TMPRSS15: variants seen among roughly 807,000 people sequenced by gnomAD.
The protein encoded by TMPRSS15 is enteropeptidase.
A neutral mutation model predicts 125.3 loss-of-function variants in TMPRSS15; 128 were observed. The observed-to-expected ratio is 1.02, with a 90% CI of 0.89 to 1.18. The LOEUF is 1.18. Ranked by LOEUF, TMPRSS15 falls within the 50% of genes most tolerant of loss-of-function variation. The probability of loss-of-function intolerance (pLI) is 0.00; values close to 1 mark genes in which losing one functional copy is unlikely to be tolerated. For missense variants in TMPRSS15, 1,283 were observed against 1,212.7 expected (o/e 1.06, Z -0.86); for synonymous variants, 446 against 423.2 (o/e 1.05, Z -0.66).
intron 8 of TMPRSS15, among the ~76,000 whole-genome samples, chr21:18,356,277 G>C (rs113010558): frequency 6.6e-6 from 1 of 151,758 alleles, no homozygotes; most frequent in East Asian, 1.9e-4. Flanking sequence ...TACAGAATAG[G>C]ATTCAACAGA....
intron 1 of TMPRSS15, among the ~76,000 whole-genome samples, chr21:18,484,962 T>A (rs1277547560): frequency 6.6e-6 from 1 of 151,874 alleles, no homozygotes; most frequent in Non-Finnish European, 1.5e-5. Context: ...ATAAGAGATT[T>A]AAAAAAATCA....
At chr21:18,449,879 A>ACACACACACG (rs2076263870) in intron 1 of TMPRSS15, among the ~76,000 whole-genome samples, 1 of 5,210 alleles carries the variant, frequency 1.9e-4, no homozygotes, top group Non-Finnish European at 1.4e-3. Flanking sequence ...ACACACACGC[A>ACACACACACG]CACACACACA....
intron 1 of TMPRSS15, among the ~76,000 whole-genome samples, chr21:18,435,795 G>A (rs1234886545): frequency 6.6e-6 from 1 of 152,178 alleles, no homozygotes; most frequent in African/African-American, 2.4e-5. Flanking sequence ...ATTGATTATT[G>A]TCACAATTTC....
intron 1 of TMPRSS15, among the ~76,000 whole-genome samples, chr21:18,483,324 C>A (rs565514158): frequency 6.6e-6 from 1 of 151,728 alleles, no homozygotes; most frequent in African/African-American, 2.4e-5. Context: ...AACAGCAGTT[C>A]GCTTCTCTAC....
intron 1 of TMPRSS15, among the ~76,000 whole-genome samples, chr21:18,402,565 T>C (rs1601445504): frequency 6.7e-6 from 1 of 148,286 alleles, no homozygotes; most frequent in Admixed American, 6.7e-5. Flanking sequence ...TATATGCACA[T>C]ATATATATAT....
intron 1 of TMPRSS15, among the ~76,000 whole-genome samples, chr21:18,430,934 A>G (rs2076215452): frequency 6.6e-6 from 1 of 152,134 alleles, no homozygotes; most frequent in African/African-American, 2.4e-5. Flanking sequence ...CTTTTGTGAC[A>G]TTTTCCAGGC....
chr21:18,285,514 G>C (rs1243157066), intron 21 of TMPRSS15, among the ~76,000 whole-genome samples: 1 of 152,216 alleles, frequency 6.6e-6, no homozygotes. Flanking sequence ...TTTACACCCA[G>C]CACAGCATTT....
At chr21:18,466,346 G>T (rs193286483) in intron 1 of TMPRSS15, among the ~76,000 whole-genome samples, 1 of 152,136 alleles carries the variant, frequency 6.6e-6, no homozygotes. Flanking sequence ...CAGGACATAG[G>T]CATGGGCAAA....
At chr21:18,272,747 A>T (rs556844135) in intron 24 of TMPRSS15, among the ~76,000 whole-genome samples, 1 of 152,230 alleles carries the variant, frequency 6.6e-6, no homozygotes, top group Non-Finnish European at 1.5e-5. Flanking sequence ...AATAAATAAT[A>T]AATAAATACA....
At chr21:18,278,874 T>A in intron 23 of TMPRSS15, 90 bp downstream of exon 23, 1 of 715,734 alleles carries the variant, frequency 1.4e-6, no homozygotes, top group South Asian at 1.7e-5. Context: ...ATTGCAAAGA[T>A]GTTGAAAGCA....
At chr21:18,398,966 T>A (rs2076068769) in intron 1 of TMPRSS15, among the ~76,000 whole-genome samples, 2 of 151,710 alleles carry the variant, frequency 1.3e-5, no homozygotes, top group Admixed American at 1.3e-4. Flanking sequence ...GAAAAAAAAA[T>A]GTAAAAAAAG....
chr21:18,279,200 A>G, intron 22 of TMPRSS15, 141 bp from the exon 23 acceptor site: 1 of 597,668 alleles, frequency 1.7e-6, no homozygotes, highest in South Asian at 1.9e-5. Flanking sequence ...ACCTGTAAAA[A>G]TTTTAGACAT....
intron 1 of TMPRSS15, among the ~76,000 whole-genome samples, chr21:18,458,457 A>T (rs1978483983): frequency 6.6e-6 from 1 of 152,178 alleles, no homozygotes; most frequent in Non-Finnish European, 1.5e-5. Context: ...GTGGTTCTCA[A>T]ATAGATGAAA....
intron 1 of TMPRSS15, among the ~76,000 whole-genome samples, chr21:18,470,452 T>C (rs1350796241): frequency 6.6e-6 from 1 of 152,054 alleles, no homozygotes; most frequent in Non-Finnish European, 1.5e-5. Context: ...CACGAAGAAC[T>C]CTTACCCCAA....
intron 1 of TMPRSS15, among the ~76,000 whole-genome samples, chr21:18,443,085 T>C (rs2076246288): frequency 6.6e-6 from 1 of 152,062 alleles, no homozygotes; most frequent in African/African-American, 2.4e-5. Context: ...TGTGTATATT[T>C]ACAAATTACA....
rs577448635 is a variant in TMPRSS15, at chr21:18,423,628, A to AG, written c.11-25300dup. Among the ~76,000 whole-genome samples the AG allele has an allele frequency of 7.4e-4, 112 of 151,128 alleles. 1 individual carries two copies. The highest frequency in any genetic ancestry group is 1.4e-3 in the Non-Finnish European group (95 of 67,726). ...GAGACGGGGTTTCACCGTGTTGGCC[A>AG]GATGGTCTCGATCTCCTGACCTCGT... On this transcript the variant is annotated intron_variant, in intron 1 of 7. Transcript: ENST00000422787.
rs1187666376 is a variant in TMPRSS15 at position 18,285,292 on chromosome 21, A to C, written c.2487-4071T>G. Among the ~76,000 whole-genome samples the C allele has an allele frequency of 2.0e-5, 3 of 152,352 alleles. No individual in the cohort carries two copies. The East Asian group carries it at 5.8e-4, about 29-fold the overall frequency. On this transcript the variant is annotated intron_variant, in intron 21 of 24. Transcript: ENST00000284885. ...GATGTGAAAATAACTTCACCACTCTAGGCATCAGGATGTCCATTTGTAAGT... is the reference window on the plus strand; with the variant it reads ...GATGTGAAAATAACTTCACCACTCTCGGCATCAGGATGTCCATTTGTAAGT...
At chr21:18,378,947 GA>G (rs531489175) in intron 5 of TMPRSS15, among the ~76,000 whole-genome samples, 55 of 151,560 alleles carry the variant, frequency 3.6e-4, no homozygotes, top group Non-Finnish European at 6.9e-4. Flanking sequence ...ATAATCAAAG[GA>G]AAAAAAATCC....
intron 1 of TMPRSS15, among the ~76,000 whole-genome samples, chr21:18,413,487 G>A (rs550989910): frequency 6.7e-5 from 10 of 149,410 alleles, no homozygotes; most frequent in South Asian, 6.5e-4. Context: ...GCTTGGTCTC[G>A]GGTCACTGCT....
Sources: gnomAD v4.1 joint callset for allele counts (sites outside exome capture counted in the v4.1 genomes callset) on GRCh38, gnomAD v4.1.1 for gene constraint, MANE v1.5 for transcripts, NCBI Gene and HGNC (gene_info 2026-07-23, HGNC 2026-07-21) for gene names.